The following PRKN variants were observed in gnomAD, a reference collection of about 807,000 sequenced individuals.
PRKN encodes parkin RBR E3 ubiquitin protein ligase, also known as E3 ubiquitin-protein ligase parkin.
Under a neutral mutation model 59.5 loss-of-function variants are expected in PRKN, and 56 were observed. The observed-to-expected ratio is 0.94, with a 90% CI of 0.76 to 1.18. The LOEUF (loss-of-function observed/expected upper bound fraction) is 1.18. PRKN is among the 50% of genes most tolerant of loss of function. PRKN has a pLI of 0.00. For synonymous variants in PRKN, 250 were observed against 222.1 expected (o/e 1.13, Z -1.12); for missense variants, 657 against 596.4 (o/e 1.10, Z -1.06).
intron 2 of PRKN, among the ~76,000 whole-genome samples, chr6:162,311,899 C>A (rs776700093): frequency 2.6e-5 from 4 of 151,964 alleles, no homozygotes; most frequent in Non-Finnish European, 4.4e-5. Context: ...GAATAAATCT[C>A]CAACATCCCC....
intron 9 of PRKN, among the ~76,000 whole-genome samples, chr6:161,504,254 G>A (rs910105758): frequency 3.9e-5 from 6 of 152,176 alleles, no homozygotes; most frequent in South Asian, 2.1e-4. Context: ...TGAACACAGC[G>A]TTATCTGCAC....
chr6:162,235,863 A>T (rs982493791), intron 3 of PRKN, among the ~76,000 whole-genome samples: 3 of 150,444 alleles, frequency 2.0e-5, no homozygotes, highest in African/African-American at 7.4e-5. Flanking sequence ...GAAAGAAAGA[A>T]AAAGACGGAA....
rs956007550 is a variant in PRKN at position 161,428,064 on chromosome 6, G to C, written c.1084-41187C>G. Among the ~76,000 whole-genome samples, 1 of 152,174 alleles carries C rather than the reference G, an allele frequency of 6.6e-6. No individual in the cohort carries two copies. The highest frequency in any genetic ancestry group is 1.5e-5 in the Non-Finnish European group (1 of 68,040). ...TGCAGTCTGAGTGTGTCTCCGTGGA[G>C]CTCGGCATTTGGACACAGCTCACAC... On this transcript the variant is annotated intron_variant, in intron 9 of 11. Coordinates refer to ENST00000366898, the MANE Select transcript of PRKN (RefSeq NM_004562.3). The surrounding 1 kb of genome is among the most constrained non-coding windows in gnomAD (Gnocchi z 4.0).
chr6:162,012,577 A>C (rs1028281581), intron 5 of PRKN, among the ~76,000 whole-genome samples: 2 of 152,150 alleles, frequency 1.3e-5, no homozygotes, highest in African/African-American at 4.8e-5. Flanking sequence ...ATTTTTACAC[A>C]ATACTTTTCT....
rs1780230944 is a variant in PRKN, at chr6:162,569,679, C to A, written c.8-126206G>T. 6.2e-6 allele frequency: 4 copies of A among 642,522 alleles called. No individual in the cohort carries two copies. In the East Asian group the frequency reaches 1.1e-4, roughly 18 times the overall value. 39.8% of individuals were successfully genotyped at this position (642,522 alleles called of 1,614,324 possible). On this transcript the variant is annotated intron_variant, in intron 1 of 11. Transcript: ENST00000366898. ...GCCATGGTTGTGAAGAAGATCAAGACCTGCGATGGGAAGCTGGTATCCGAG... is the reference window on the plus strand; with the variant it reads ...GCCATGGTTGTGAAGAAGATCAAGAACTGCGATGGGAAGCTGGTATCCGAG...
chr6:162,172,301 A>G (rs1446663837), intron 4 of PRKN, among the ~76,000 whole-genome samples: 2 of 152,194 alleles, frequency 1.3e-5, no homozygotes, highest in Non-Finnish European at 2.9e-5. Context: ...AGATATTAAG[A>G]GAAATGAGGC....
intron 3 of PRKN, among the ~76,000 whole-genome samples, chr6:162,245,445 T>C (rs1562609813): frequency 6.6e-6 from 1 of 152,012 alleles, no homozygotes. Flanking sequence ...GCTTCTCACA[T>C]TAAGTAATAG....
At chr6:161,367,788 C>A (rs371805470) in intron 10 of PRKN, among the ~76,000 whole-genome samples, 1 of 152,172 alleles carries the variant, frequency 6.6e-6, no homozygotes, top group East Asian at 1.9e-4. Flanking sequence ...GAAGTAAGGA[C>A]GCTTCTGTTA....
chr6:162,361,775 T>C lies in PRKN; in HGVS notation c.171+81535A>G, dbSNP rs551508807. Among the ~76,000 whole-genome samples, 44 of 152,332 alleles carry C rather than the reference T, an allele frequency of 2.9e-4. No individual in the cohort carries two copies. The South Asian group carries it at 8.5e-3, about 29-fold the overall frequency. On this transcript the variant is annotated intron_variant, in intron 2 of 11. Coordinates refer to ENST00000366898, the MANE Select transcript of PRKN (RefSeq NM_004562.3). ...AGTTTTTCCACTAAAGGAATTATAG[T>C]GTTAATATGCCAAGAGTCCTATCTG...
intron 6 of PRKN, among the ~76,000 whole-genome samples, chr6:161,821,004 A>G (rs561971540): frequency 9.2e-5 from 14 of 152,152 alleles, no homozygotes; most frequent in Admixed American, 7.2e-4. Flanking sequence ...ATTCACAGAC[A>G]CAGATATACA....
Position 161,552,212 on chromosome 6 carries a change from C to A in PRKN, c.934-3209G>T, listed in dbSNP as rs542930843. Among the ~76,000 whole-genome samples, 2 of 152,292 alleles carry A rather than the reference C, an allele frequency of 1.3e-5. No individual in the cohort carries two copies. The highest frequency in any genetic ancestry group is 4.8e-5 in the African/African-American group (2 of 41,552). Reference sequence around the variant, plus strand: ...AGAATGGTGGATTTAAGTTTGGTTGCAGTTTTGCCGGAATTGTAAAAGGAA... The same window carrying A: ...AGAATGGTGGATTTAAGTTTGGTTGAAGTTTTGCCGGAATTGTAAAAGGAA... On this transcript the variant is annotated intron_variant, in intron 8 of 11. Transcript: ENST00000366898. The surrounding 1 kb of genome is among the most constrained non-coding windows in gnomAD (Gnocchi z 4.9).
chr6:161,886,317 C>G (rs973936002), intron 6 of PRKN, among the ~76,000 whole-genome samples: 1 of 152,052 alleles, frequency 6.6e-6, no homozygotes, highest in African/African-American at 2.4e-5. Flanking sequence ...TTTCTTGAAA[C>G]CATAATTAAA....
At chr6:162,598,652 A>G (rs1321622929) in intron 1 of PRKN, among the ~76,000 whole-genome samples, 1 of 152,074 alleles carries the variant, frequency 6.6e-6, no homozygotes, top group East Asian at 1.9e-4. Flanking sequence ...CAGGAGTTTG[A>G]GACCAGCCTG....
rs541633521 is a variant in PRKN at position 161,593,181 on chromosome 6, C to T, written c.872-23765G>A. On this transcript the variant is annotated intron_variant, in intron 7 of 11. Transcript: ENST00000366898. The surrounding 1 kb of genome is among the most constrained non-coding windows in gnomAD (Gnocchi z 4.8). ...GAAAATAATTACGAACTAATAATAA[C>T]GACAATCATTATGAACTAATAACAT... is the stretch of plus-strand genomic sequence containing the variant. 6.6e-4 allele frequency among the ~76,000 whole-genome samples: 101 copies of T among 152,108 alleles called. 1 individual carries two copies. Among genetic ancestry groups the T allele is most frequent in the Non-Finnish European group, 1.2e-3 (83 of 68,018 alleles).
At chr6:162,680,934 G>A (rs998822533) in intron 1 of PRKN, among the ~76,000 whole-genome samples, 11 of 152,046 alleles carry the variant, frequency 7.2e-5, no homozygotes, top group African/African-American at 2.7e-4. Context: ...ATTAATATTG[G>A]AAAAGGCACC....
intron 7 of PRKN, chr6:161,716,275 G>T (rs1786974363): frequency 2.3e-6 from 1 of 432,176 alleles, no homozygotes; most frequent in South Asian, 1.7e-5. Flanking sequence ...AAATGAGGAG[G>T]AACTAGAGGC....
chr6:161,830,443 A>C (rs78859497), intron 6 of PRKN, among the ~76,000 whole-genome samples: 1,925 of 151,954 alleles, frequency 0.013, 53 homozygotes, highest in African/African-American at 0.044. Context: ...TAGTAGAGAC[A>C]GTGTTTCACC....
intron 4 of PRKN, among the ~76,000 whole-genome samples, chr6:162,123,459 CTA>C (rs1291036263): frequency 6.6e-6 from 1 of 152,104 alleles, no homozygotes; most frequent in Non-Finnish European, 1.5e-5. Flanking sequence ...TATATGGTAA[CTA>C]ATATTTCATT....
Position 162,054,179 on chromosome 6 carries a change from G to A in PRKN, c.535-5C>T, listed in dbSNP as rs1777765086. Reference sequence around the variant, plus strand: ...ATCATCCCAGCAAGATGGACCCTTTGGGAAAAAACAACAATATATGCTTAT... The same window carrying A: ...ATCATCCCAGCAAGATGGACCCTTTAGGAAAAAACAACAATATATGCTTAT... On this transcript the variant is annotated splice_region_variant and splice_polypyrimidine_tract_variant and intron_variant, in intron 4 of 11. Transcript: ENST00000366898. The A allele has an allele frequency of 1.3e-6, 2 of 1,591,508 alleles. No homozygotes were observed. Among genetic ancestry groups the A allele is most frequent in the Non-Finnish European group, 1.7e-6 (2 of 1,159,862 alleles).
Sources: allele counts gnomAD v4.1 joint callset (sites outside exome capture counted in the v4.1 genomes callset), GRCh38; gene constraint gnomAD v4.1.1; non-coding constraint Gnocchi (gnomAD v3.1); transcripts MANE v1.5; gene names NCBI Gene and HGNC (gene_info 2026-07-23, HGNC 2026-07-21).